The following SLC9A9 variants were observed in gnomAD, a reference collection of about 807,000 sequenced individuals.
SLC9A9 encodes the protein sodium/hydrogen exchanger 9.
In SLC9A9, 62 loss-of-function variants were observed where a neutral mutation model predicts 77.8. That is an observed-to-expected ratio of 0.80 (90% CI 0.65 to 0.98). SLC9A9 has a LOEUF of 0.98. Among genes scored for constraint, SLC9A9 ranks in the 50% least tolerant of loss-of-function variants. SLC9A9 has a pLI of 0.00. For synonymous variants in SLC9A9, 320 were observed against 283.5 expected (o/e 1.13, Z -1.29); for missense variants, 775 against 774.9 (o/e 1.00, Z 0.00).
At chr3:143,411,115 A>T (rs1275013818) in intron 12 of SLC9A9, among the ~76,000 whole-genome samples, 1 of 152,114 alleles carries the variant, frequency 6.6e-6, no homozygotes. Flanking sequence ...GAATTTCTTT[A>T]TGTCTACAGG....
At position 143,537,480 on chromosome 3, in the gene SLC9A9, T is replaced by C. The variant is rs577087572; in HGVS notation, c.1089+14882A>G. Among the ~76,000 whole-genome samples, 9 of 152,346 alleles carry C rather than the reference T, an allele frequency of 5.9e-5. No homozygotes were observed. The East Asian group carries it at 1.7e-3, about 29-fold the overall frequency. On this transcript the variant is annotated intron_variant, in intron 9 of 15. Coordinates refer to ENST00000316549, the MANE Select transcript of SLC9A9 (RefSeq NM_173653.4). Reference sequence around the variant, plus strand: ...GCCCACTCTGCTGCCACCTGCCACCTGCAATTTCAGGACTGCCTCACTCCT... The same window carrying C: ...GCCCACTCTGCTGCCACCTGCCACCCGCAATTTCAGGACTGCCTCACTCCT...
chr3:143,523,208 G>A (rs538839812), intron 9 of SLC9A9, among the ~76,000 whole-genome samples: 13 of 152,034 alleles, frequency 8.6e-5, no homozygotes, highest in South Asian at 2.1e-4. Context: ...GAACTTTTTC[G>A]AATGAATTAT....
At chr3:143,807,620 C>T (rs1185278257) in intron 2 of SLC9A9, among the ~76,000 whole-genome samples, 1 of 152,234 alleles carries the variant, frequency 6.6e-6, no homozygotes, top group Non-Finnish European at 1.5e-5. Context: ...TGGCTCATGC[C>T]TGTAATCCCA....
rs1334624335 is a variant in SLC9A9, at chr3:143,652,173, T to A, written c.755+82A>T. ...TGAAAAAAGCTAGAGACTGCCCGTA[T>A]CTCTGTGACATAAGAGAAAAGATAC... On this transcript the variant is annotated intron_variant, in intron 6 of 15. Transcript: ENST00000316549. 3.5e-6 allele frequency: 4 copies of A among 1,156,772 alleles called. No homozygotes were observed. In the African/African-American group the frequency reaches 4.6e-5, roughly 13 times the overall value. The allele number at this position is 1,156,772 out of a possible 1,614,324, so 71.7% of individuals were successfully genotyped here. A position where few individuals can be genotyped will look rare whatever the true frequency, so the allele number is the denominator to read the frequency against.
At chr3:143,493,568 G>C (rs1022021480) in intron 11 of SLC9A9, 85 bp downstream of exon 11, 2 of 1,234,074 alleles carry the variant, frequency 1.6e-6, no homozygotes, top group Non-Finnish European at 2.4e-6. Flanking sequence ...TTCCCCAAAA[G>C]GGTTCTAAAT....
At chr3:143,395,801 C>T (rs2033714477) in intron 12 of SLC9A9, among the ~76,000 whole-genome samples, 2 of 152,198 alleles carry the variant, frequency 1.3e-5, no homozygotes, top group Non-Finnish European at 2.9e-5. Flanking sequence ...TATGAACAGA[C>T]ACTTCTCAAA....
intron 14 of SLC9A9, among the ~76,000 whole-genome samples, chr3:143,318,454 CAG>C (rs2031304486): frequency 6.6e-6 from 1 of 152,030 alleles, no homozygotes; most frequent in African/African-American, 2.4e-5. Flanking sequence ...ATGAGAAAAA[CAG>C]AGGAGAAAAG....
intron 4 of SLC9A9, among the ~76,000 whole-genome samples, chr3:143,706,607 C>T (rs142818408): frequency 3.6e-3 from 548 of 152,264 alleles, no homozygotes; most frequent in Admixed American, 7.5e-3. Flanking sequence ...CGTCCAAATC[C>T]TGTATCGGAT....
intron 12 of SLC9A9, among the ~76,000 whole-genome samples, chr3:143,404,867 G>T (rs2033944469): frequency 6.6e-6 from 1 of 152,146 alleles, no homozygotes; most frequent in Admixed American, 6.5e-5. Flanking sequence ...TTTCTCCTTT[G>T]TTTTTAAGTC....
At chr3:143,333,473 A>G (rs1372403781) in intron 14 of SLC9A9, among the ~76,000 whole-genome samples, 2 of 152,222 alleles carry the variant, frequency 1.3e-5, no homozygotes, top group East Asian at 3.8e-4. Flanking sequence ...GAGTCTCTCT[A>G]TACAACCAAG....
chr3:143,542,419 G>C (rs1278645555), intron 9 of SLC9A9, among the ~76,000 whole-genome samples: 2 of 152,156 alleles, frequency 1.3e-5, no homozygotes, highest in African/African-American at 4.8e-5. Context: ...AAGCCAGGGA[G>C]GCAGAGGCAT....
chr3:143,492,352 C>T (rs1299662609), intron 11 of SLC9A9, among the ~76,000 whole-genome samples: 1 of 151,620 alleles, frequency 6.6e-6, no homozygotes, highest in Non-Finnish European at 1.5e-5. Context: ...TTATGACTCT[C>T]TCTCTCTTAC....
At chr3:143,289,994 C>T (rs927677542) in intron 14 of SLC9A9, among the ~76,000 whole-genome samples, 2 of 152,230 alleles carry the variant, frequency 1.3e-5, no homozygotes, top group African/African-American at 4.8e-5. Context: ...GTACTTGCTA[C>T]TTCTTCCCCT....
chr3:143,722,577 A>G (rs1260433009), intron 4 of SLC9A9, among the ~76,000 whole-genome samples: 2 of 151,726 alleles, frequency 1.3e-5, no homozygotes, highest in African/African-American at 2.4e-5. Context: ...AGGCTCACAA[A>G]AGCTGCGGAA....
intron 9 of SLC9A9, among the ~76,000 whole-genome samples, chr3:143,516,070 T>C (rs1259543683): frequency 6.6e-6 from 1 of 152,202 alleles, no homozygotes; most frequent in Non-Finnish European, 1.5e-5. Context: ...TGCAGGGCTA[T>C]TTAGGGTTTT....
chr3:143,578,664 A>G lies in SLC9A9; in HGVS notation c.815T>C (p.Phe272Ser), dbSNP rs1559977069. ...NPNAFDAAAF[F>S]QSVGNFLGIF... ...TCCCAGGAAATTCCCCACAGACTGG[A>G]AGAATGCTGCGGCATCAAATGCATT... Residue 272 changes from phenylalanine (F) to serine (S), a missense_variant, in exon 7 of 16, where the codon TTC (phenylalanine) becomes TCC (serine). Physicochemically the swap from Phe to Ser is radical, Grantham distance 155. Coordinates refer to ENST00000316549, the MANE Select transcript of SLC9A9 (RefSeq NM_173653.4). 1.9e-6 allele frequency: 3 copies of G among 1,614,112 alleles called. No individual in the cohort carries two copies. Among genetic ancestry groups the G allele is most frequent in the Middle Eastern group, 1.6e-4 (1 of 6,062 alleles).
intron 12 of SLC9A9, among the ~76,000 whole-genome samples, chr3:143,384,915 A>G (rs1456831668): frequency 6.6e-6 from 1 of 152,132 alleles, no homozygotes; most frequent in African/African-American, 2.4e-5. Context: ...GAAGGAAACA[A>G]TGCCTTCTTT....
At chr3:143,481,675 T>A (rs928120872) in intron 11 of SLC9A9, among the ~76,000 whole-genome samples, 2 of 152,208 alleles carry the variant, frequency 1.3e-5, no homozygotes, top group Non-Finnish European at 2.9e-5. Context: ...TCTGTTAGAA[T>A]GCAGATTTGG....
intron 12 of SLC9A9, among the ~76,000 whole-genome samples, chr3:143,461,001 C>T (rs2108564196): frequency 6.6e-6 from 1 of 152,210 alleles, no homozygotes; most frequent in Non-Finnish European, 1.5e-5. Flanking sequence ...TTCCATGTTT[C>T]ATGAGAGAGC....
Sources: allele counts gnomAD v4.1 joint callset (sites outside exome capture counted in the v4.1 genomes callset), GRCh38; gene constraint gnomAD v4.1.1; transcripts MANE v1.5; gene names NCBI Gene and HGNC (gene_info 2026-07-23, HGNC 2026-07-21).